NRXN2: variants seen among roughly 807,000 people sequenced by gnomAD.
NRXN2 encodes neurexin-2-beta.
A neutral mutation model predicts 128.8 loss-of-function variants in NRXN2; 29 were observed. The observed-to-expected ratio is 0.23, with a 90% CI of 0.17 to 0.31. NRXN2 has a LOEUF of 0.31. Among genes scored for constraint, NRXN2 ranks in the 10% least tolerant of loss-of-function variants. NRXN2 has a pLI of 1.00. For missense variants in NRXN2, 1,881 were observed against 2,452.6 expected, an observed-to-expected ratio of 0.77 and a Z score of 4.92; for synonymous variants, 1,098 against 1,075.2, an observed-to-expected ratio of 1.02 and a Z score of -0.41.
intron 17 of NRXN2, among the ~76,000 whole-genome samples, chr11:64,646,814 G>GT (rs2135437649): frequency 6.6e-6 from 1 of 151,940 alleles, no homozygotes; most frequent in African/African-American, 2.4e-5. Context: ...TGGCAGTCAG[G>GT]CTGGAACACC....
intron 15 of NRXN2, among the ~76,000 whole-genome samples, chr11:64,649,918 C>T (rs933458981): frequency 6.6e-6 from 1 of 152,076 alleles, no homozygotes; most frequent in Non-Finnish European, 1.5e-5. Flanking sequence ...CTTCAATGAC[C>T]ACTGAAGAGG....
intron 5 of NRXN2, chr11:64,688,898 T>G: frequency 1.4e-6 from 1 of 739,952 alleles, no homozygotes; most frequent in Non-Finnish European, 1.7e-6. Flanking sequence ...GCTCTACAGC[T>G]GTCTGTTCTG....
At chr11:64,694,453 C>A (rs1235748812) in intron 3 of NRXN2, among the ~76,000 whole-genome samples, 1 of 152,204 alleles carries the variant, frequency 6.6e-6, no homozygotes, top group Non-Finnish European at 1.5e-5. Flanking sequence ...TGGCCAGGGG[C>A]CAAAGGCCTG....
In NRXN2 at chr11:64,650,634, T is replaced by C; in HGVS notation, c.2923A>G (p.Ile975Val). 6.2e-7 allele frequency: 1 copy of C among 1,614,066 alleles called. No homozygotes were observed. Among genetic ancestry groups the C allele is most frequent in the South Asian group, 1.1e-5 (1 of 91,066 alleles). ...TTCCCCAGGTCAAACACGTAGTGGA[T>C]GTACCTGCCCCACAGTAGGGAGGAG... ...FIVIELVKGY[I>V]HYVFDLGNGP... Residue 975 changes from isoleucine to valine, a missense_variant, in exon 15 of 23, where the codon ATC (isoleucine) becomes GTC (valine). Ile to Val is a conservative substitution (Grantham distance 29). Transcript: ENST00000265459.
intron 7 of NRXN2, among the ~76,000 whole-genome samples, chr11:64,673,101 T>C (rs576060215): frequency 6.6e-6 from 1 of 152,332 alleles, no homozygotes; most frequent in East Asian, 1.9e-4. Flanking sequence ...TATCTGACCC[T>C]AGGCAAGGTG....
chr11:64,657,884 C>A (rs2048487781), intron 11 of NRXN2, among the ~76,000 whole-genome samples: 1 of 152,178 alleles, frequency 6.6e-6, no homozygotes, highest in South Asian at 2.1e-4. Context: ...GGGGCACAGC[C>A]AGGAGTAAGA....
At chr11:64,621,550 C>A (rs140138455) in intron 21 of NRXN2, among the ~76,000 whole-genome samples, 217 of 152,202 alleles carry the variant, frequency 1.4e-3, no homozygotes, top group African/African-American at 4.4e-3. Context: ...AGGCTTCCTG[C>A]AGCACAGACT....
At chr11:64,698,385 A>T (rs2054843185) in intron 2 of NRXN2, among the ~76,000 whole-genome samples, 1 of 152,196 alleles carries the variant, frequency 6.6e-6, no homozygotes, top group Non-Finnish European at 1.5e-5. Context: ...AGGGGTGAAA[A>T]GACATCAAGA....
chr11:64,685,104 T>C (rs1002813190), intron 6 of NRXN2, among the ~76,000 whole-genome samples: 2 of 152,120 alleles, frequency 1.3e-5, no homozygotes, highest in Non-Finnish European at 2.9e-5. Context: ...TCTCTGCCTC[T>C]GCCCTAAAAA....
intron 6 of NRXN2, among the ~76,000 whole-genome samples, chr11:64,685,018 G>A (rs757134555): frequency 6.6e-6 from 1 of 152,170 alleles, no homozygotes; most frequent in Non-Finnish European, 1.5e-5. Context: ...CTGCCCAGAG[G>A]AGATGAAGGG....
chr11:64,608,990 G>A (rs894891340), intron 22 of NRXN2, among the ~76,000 whole-genome samples: 16 of 152,072 alleles, frequency 1.1e-4, no homozygotes, highest in Non-Finnish European at 1.8e-4. Context: ...CTAATTGCAG[G>A]GTGGCCACGG....
chr11:64,718,616 G>A (rs1041827357), intron 1 of NRXN2, among the ~76,000 whole-genome samples: 6 of 152,186 alleles, frequency 3.9e-5, no homozygotes, highest in Non-Finnish European at 8.8e-5. Context: ...GGGGGTGTTC[G>A]AGGTGAGACC....
intron 9 of NRXN2, among the ~76,000 whole-genome samples, chr11:64,664,214 C>T (rs988635545): frequency 8.6e-5 from 13 of 152,040 alleles, no homozygotes; most frequent in African/African-American, 2.7e-4. Context: ...TGGTGGCTCA[C>T]GCCTGTAATC....
At position 64,607,944 on chromosome 11, in the gene NRXN2, G is replaced by A. The variant is rs2039945819; in HGVS notation, c.4391C>T (p.Pro1464Leu). The A allele has an allele frequency of 1.3e-6, 2 of 1,545,554 alleles. No homozygotes were observed. The highest frequency in any genetic ancestry group is 1.7e-6 in the Non-Finnish European group (2 of 1,146,914). Reference sequence around the variant, plus strand: ...GGGCGGGCGGCGCGCGGCGGGCGGGGGCAGCGTGTCTTGGGTGGCGCCCAC... The same window carrying A: ...GGGCGGGCGGCGCGCGGCGGGCGGGAGCAGCGTGTCTTGGGTGGCGCCCAC... ...TGVGATQDTL[P>L]PPAARRPPSG... Residue 1464 changes from proline (P) to leucine (L), a missense_variant, in exon 23 of 23, where the codon CCC becomes CTC. Transcript: ENST00000265459.
At chr11:64,710,746 CA>C (rs1291942632) in intron 2 of NRXN2, among the ~76,000 whole-genome samples, 5 of 152,168 alleles carry the variant, frequency 3.3e-5, no homozygotes, top group African/African-American at 1.2e-4. Context: ...CGTTAAAACA[CA>C]AGCACATGAG....
intron 17 of NRXN2, among the ~76,000 whole-genome samples, chr11:64,641,029 G>T (rs1444822854): frequency 6.6e-6 from 1 of 152,132 alleles, no homozygotes; most frequent in Non-Finnish European, 1.5e-5. Context: ...GATAGGAAGG[G>T]AGAGAAGTGC....
At chr11:64,680,957 C>A (rs1362060089) in intron 6 of NRXN2, among the ~76,000 whole-genome samples, 2 of 151,796 alleles carry the variant, frequency 1.3e-5, no homozygotes, top group Non-Finnish European at 2.9e-5. Flanking sequence ...ATTAGCCGGG[C>A]ATGGTGGCAG....
At chr11:64,698,704 C>A (rs185968150) in intron 2 of NRXN2, among the ~76,000 whole-genome samples, 6 of 152,328 alleles carry the variant, frequency 3.9e-5, no homozygotes, top group Admixed American at 3.9e-4. Context: ...CCTATTAGGG[C>A]CCTGCCTGGA....
intron 2 of NRXN2, among the ~76,000 whole-genome samples, chr11:64,703,086 C>G (rs980449216): frequency 6.6e-6 from 1 of 150,546 alleles, no homozygotes; most frequent in African/African-American, 2.4e-5. Flanking sequence ...TTTGTGCCAA[C>G]TCTAGAAATG....
Sources: gnomAD v4.1 joint callset for allele counts (sites outside exome capture counted in the v4.1 genomes callset) on GRCh38, gnomAD v4.1.1 for gene constraint, MANE v1.5 for transcripts, NCBI Gene and HGNC (gene_info 2026-07-23, HGNC 2026-07-21) for gene names.